The following ERC2 variants were observed in gnomAD, a reference collection of about 807,000 sequenced individuals.
ERC2 encodes the protein ERC protein 2.
In ERC2, 42 loss-of-function variants were observed where a neutral mutation model predicts 114.8. The observed-to-expected ratio is 0.37, with a 90% CI of 0.29 to 0.47. The LOEUF (loss-of-function observed/expected upper bound fraction) is 0.47. Ranked by LOEUF, ERC2 falls within the 20% of genes least tolerant of loss-of-function variation. ERC2 has a pLI of 0.99. For missense variants in ERC2, 939 were observed against 1,150.7 expected (o/e 0.82, Z 2.66); for synonymous variants, 454 against 425.5 (o/e 1.07, Z -0.82).
At chr3:56,059,816 A>G (rs905906079) in intron 7 of ERC2, among the ~76,000 whole-genome samples, 1 of 152,206 alleles carries the variant, frequency 6.6e-6, no homozygotes, top group Non-Finnish European at 1.5e-5. Context: ...ACAACTTGGT[A>G]AACTGTAAAT....
intron 17 of ERC2, among the ~76,000 whole-genome samples, chr3:55,556,796 G>A (rs957445518): frequency 6.6e-6 from 1 of 152,184 alleles, no homozygotes; most frequent in Non-Finnish European, 1.5e-5. Flanking sequence ...AATTCCACAA[G>A]CCAATAAATC....
intron 7 of ERC2, among the ~76,000 whole-genome samples, chr3:56,036,341 C>T (rs561602361): frequency 4.6e-5 from 7 of 152,236 alleles, no homozygotes; most frequent in African/African-American, 1.7e-4. Context: ...TATATAGTAC[C>T]TGGCGCCTTC....
At chr3:55,938,131 A>G (rs1482230853) in intron 13 of ERC2, among the ~76,000 whole-genome samples, 1 of 152,138 alleles carries the variant, frequency 6.6e-6, no homozygotes, top group Non-Finnish European at 1.5e-5. Context: ...ATGAGAGAGA[A>G]GCAAGAACCC....
At chr3:56,453,256 A>G (rs2062906955) in intron 1 of ERC2, among the ~76,000 whole-genome samples, 1 of 152,218 alleles carries the variant, frequency 6.6e-6, no homozygotes, top group Non-Finnish European at 1.5e-5. Context: ...ATAACCAAAC[A>G]GTAGCTATCA....
rs544888562 is a variant in ERC2, at chr3:56,391,912, T to C, written c.657+42439A>G. On this transcript the variant is annotated intron_variant, in intron 2 of 17. Coordinates refer to ENST00000288221, the MANE Select transcript of ERC2 (RefSeq NM_015576.3). ...CGAGGCATCATAATATCCCAGATCATATCTGACGGGAGATTAATTTTTCCA... is the reference window on the plus strand; with the variant it reads ...CGAGGCATCATAATATCCCAGATCACATCTGACGGGAGATTAATTTTTCCA... Among the ~76,000 whole-genome samples, 362 of 152,320 alleles carry C rather than the reference T, an allele frequency of 2.4e-3. 6 individuals carry two copies. Among genetic ancestry groups the C allele is most frequent in the African/African-American group, 8.0e-3 (334 of 41,580 alleles).
At position 56,256,157 on chromosome 3, in the gene ERC2, C is replaced by A. The variant is rs542009489; in HGVS notation, c.1074+39862G>T. Among the ~76,000 whole-genome samples the A allele has an allele frequency of 1.2e-4, 18 of 152,264 alleles. 1 individual carries two copies. The South Asian group carries it at 2.5e-3, about 21-fold the overall frequency. ...TGAAAGCTTTAAAGTGAGCCATTAC[C>A]CCTTCCACAGAACGAAAGAATGCCT... On this transcript the variant is annotated intron_variant, in intron 3 of 17. Transcript: ENST00000288221.
At chr3:56,180,223 T>G (rs904507631) in intron 3 of ERC2, among the ~76,000 whole-genome samples, 8 of 152,076 alleles carry the variant, frequency 5.3e-5, no homozygotes, top group Admixed American at 2.0e-4. Flanking sequence ...CTAGAGCAGT[T>G]TGGGGGATGG....
chr3:56,284,294 G>T (rs1478338320), intron 3 of ERC2, among the ~76,000 whole-genome samples: 1 of 152,202 alleles, frequency 6.6e-6, no homozygotes, highest in Non-Finnish European at 1.5e-5. Context: ...TGTGAGTTCA[G>T]ATTTTTAACG....
At chr3:56,106,304 T>C (rs371660256) in intron 6 of ERC2, among the ~76,000 whole-genome samples, 65 of 152,216 alleles carry the variant, frequency 4.3e-4, no homozygotes, top group African/African-American at 1.3e-3. Context: ...ACTGGCCCCA[T>C]GGAAAAAGGA....
At chr3:56,364,003 T>C (rs2059061236) in intron 2 of ERC2, among the ~76,000 whole-genome samples, 1 of 152,224 alleles carries the variant, frequency 6.6e-6, no homozygotes, top group Admixed American at 6.5e-5. Flanking sequence ...TTCTTTAGCA[T>C]GGTTTATAAA....
intron 6 of ERC2, among the ~76,000 whole-genome samples, chr3:56,105,977 T>C (rs575186080): frequency 6.6e-6 from 1 of 152,228 alleles, no homozygotes; most frequent in Non-Finnish European, 1.5e-5. Flanking sequence ...ACTTGGCACA[T>C]GATTTCAGAA....
intron 15 of ERC2, among the ~76,000 whole-genome samples, chr3:55,707,599 T>G (rs2063555748): frequency 6.6e-6 from 1 of 152,218 alleles, no homozygotes; most frequent in African/African-American, 2.4e-5. Flanking sequence ...TTCTATGTGC[T>G]CTGCTCATAA....
intron 14 of ERC2, 38 bp from the exon 15 acceptor site, chr3:55,734,956 A>AT: frequency 6.7e-7 from 1 of 1,484,264 alleles, no homozygotes; most frequent in South Asian, 1.4e-5. Context: ...TTTTTGTAAA[A>AT]TAAAAAAAAA....
chr3:55,802,520 T>C (rs1359813534), intron 14 of ERC2, among the ~76,000 whole-genome samples: 2 of 152,232 alleles, frequency 1.3e-5, no homozygotes, highest in Non-Finnish European at 2.9e-5. Flanking sequence ...ATAAAATTGA[T>C]ACATAAAATA....
intron 14 of ERC2, among the ~76,000 whole-genome samples, chr3:55,786,763 C>T (rs1017086534): frequency 6.6e-6 from 1 of 152,128 alleles, no homozygotes; most frequent in African/African-American, 2.4e-5. Context: ...GGAGTATTGG[C>T]TCCAGGTTTT....
At chr3:56,292,453 C>T (rs748077681) in intron 3 of ERC2, among the ~76,000 whole-genome samples, 9 of 151,058 alleles carry the variant, frequency 6.0e-5, no homozygotes, top group South Asian at 2.1e-4. Context: ...AGCCAGGCAT[C>T]GTGGCACATG....
chr3:56,377,660 G>T (rs530909559), intron 2 of ERC2, among the ~76,000 whole-genome samples: 2 of 152,100 alleles, frequency 1.3e-5, no homozygotes, highest in African/African-American at 4.8e-5. Context: ...AGATCATATC[G>T]TATTAAAAAT....
At chr3:55,865,554 T>C (rs942985921) in intron 14 of ERC2, among the ~76,000 whole-genome samples, 1 of 152,092 alleles carries the variant, frequency 6.6e-6, no homozygotes, top group Non-Finnish European at 1.5e-5. Context: ...TCACCCACAA[T>C]CAAATTTTAG....
intron 14 of ERC2, among the ~76,000 whole-genome samples, chr3:55,787,868 C>T (rs1362460574): frequency 1.3e-5 from 2 of 152,184 alleles, no homozygotes; most frequent in African/African-American, 4.8e-5. Flanking sequence ...CTTTCTAATT[C>T]CTGGGACCTA....
Sources: allele counts gnomAD v4.1 joint callset (sites outside exome capture counted in the v4.1 genomes callset), GRCh38; gene constraint gnomAD v4.1.1; transcripts MANE v1.5; gene names NCBI Gene and HGNC (gene_info 2026-07-23, HGNC 2026-07-21).